Variants in TMEM171 observed in about 807,000 individuals in gnomAD.
TMEM171 encodes the protein proline-rich protein PRP2.
In TMEM171, 16 loss-of-function variants were observed where a neutral mutation model predicts 19.1. The ratio of observed to expected loss-of-function variants is 0.84; its 90% CI spans 0.57 to 1.27. The LOEUF (loss-of-function observed/expected upper bound fraction) is 1.27. Ranked by LOEUF, TMEM171 falls within the 50% of genes most tolerant of loss-of-function variation. The probability of loss-of-function intolerance (pLI) is 0.00; values close to 1 mark genes in which losing one functional copy is unlikely to be tolerated. For synonymous variants in TMEM171, 153 were observed against 163.4 expected (o/e 0.94, Z 0.48); for missense variants, 429 against 412.7 (o/e 1.04, Z -0.34).
Position 73,123,527 on chromosome 5 carries a change from C to T in TMEM171, c.154C>T (p.Leu52Phe), listed in dbSNP as rs1404215120. ...GTTCCAGGCATGCCAATATAAGCCC[C>T]TCCCAGACTGCCCCATGGTGCTCAA... ...FGFQACQYKP[L>F]PDCPMVLKVA... Residue 52 changes from leucine to phenylalanine, a missense_variant, in exon 2 of 4, where the codon CTC (leucine) becomes TTC (phenylalanine). Physicochemically the swap from Leu to Phe is conservative, Grantham distance 22. Coordinates refer to ENST00000454765, the MANE Select transcript of TMEM171 (RefSeq NM_173490.8). 3 of 1,614,238 alleles carry T rather than the reference C, an allele frequency of 1.9e-6. No individual in the cohort carries two copies. Among genetic ancestry groups the T allele is most frequent in the African/African-American group, 1.3e-5 (1 of 75,062 alleles).
Position 73,123,317 on chromosome 5 carries a change from T to C in TMEM171, c.-57T>C, listed in dbSNP as rs1744053630. ...GGTTGTGTTTGCAGAGCTGCTGAAATCTTGGAGGGAAGAAAACACATCCCA... is the reference window on the plus strand; with the variant it reads ...GGTTGTGTTTGCAGAGCTGCTGAAACCTTGGAGGGAAGAAAACACATCCCA... On this transcript the variant is annotated 5_prime_UTR_variant, in exon 2 of 4. Transcript: ENST00000454765. 1.3e-6 allele frequency: 2 copies of C among 1,544,882 alleles called. No individual in the cohort carries two copies. The highest frequency in any genetic ancestry group is 8.7e-7 in the Non-Finnish European group (1 of 1,143,816).
intron 2 of TMEM171, among the ~76,000 whole-genome samples, chr5:73,127,384 A>AAAAAAAAAATATATATATATATATATAT: frequency 3.7e-5 from 3 of 81,686 alleles, no homozygotes; most frequent in Admixed American, 1.1e-4. Flanking sequence ...AAAAAAAAAA[A>AAAAAAAAAATATATATATATATATATAT]ATATATATAT....
Position 73,121,402 on chromosome 5 carries a change from A to G in TMEM171, c.-69+706A>G, listed in dbSNP as rs544563536. Among the ~76,000 whole-genome samples the G allele has an allele frequency of 2.0e-5, 3 of 152,258 alleles. No individual in the cohort carries two copies. In the East Asian group the frequency reaches 5.8e-4, roughly 29 times the overall value. On this transcript the variant is annotated intron_variant, in intron 1 of 3. Coordinates refer to ENST00000454765, the MANE Select transcript of TMEM171 (RefSeq NM_173490.8). ...ATTCAGGAAAAAAATTAAAACAACA[A>G]CAATAACAAAAAACCAATATATATA... is the stretch of plus-strand genomic sequence containing the variant.
In TMEM171 at chr5:73,120,702, C is replaced by T; in HGVS notation, c.-69+6C>T. On this transcript the variant is annotated splice_donor_region_variant and intron_variant, in intron 1 of 3. Coordinates refer to ENST00000454765, the MANE Select transcript of TMEM171 (RefSeq NM_173490.8). ...GGCGCCGGACCCAGCTTCAGGTAAG[C>T]TGCCCCGGCCCGCGCGCCTGCGCCG... 1 of 983,824 alleles carries T rather than the reference C, an allele frequency of 1.0e-6. No homozygotes were observed. The highest frequency in any genetic ancestry group is 1.2e-6 in the Non-Finnish European group (1 of 829,408). The allele number at this position is 983,824 out of a possible 1,614,324, so 60.9% of individuals were successfully genotyped here.
At chr5:73,127,384 A>AAATATATATATAT in intron 2 of TMEM171, among the ~76,000 whole-genome samples, 6 of 81,684 alleles carry the variant, frequency 7.3e-5, no homozygotes, top group African/African-American at 3.3e-4. Context: ...AAAAAAAAAA[A>AAATATATATATAT]ATATATATAT....
chr5:73,123,271 G>T, intron 1 of TMEM171, 35 bp from the exon 2 acceptor site: 1 of 1,509,692 alleles, frequency 6.6e-7, no homozygotes, highest in Non-Finnish European at 8.8e-7. Flanking sequence ...GAACACCTGT[G>T]CCCACGTTAA....
chr5:73,126,049 G>A (rs916828619), intron 2 of TMEM171, among the ~76,000 whole-genome samples: 1 of 152,176 alleles, frequency 6.6e-6, no homozygotes, highest in Non-Finnish European at 1.5e-5. Context: ...GCATGAAAGG[G>A]AACTCGCAGA....
intron 2 of TMEM171, among the ~76,000 whole-genome samples, chr5:73,126,292 A>G (rs182623153): frequency 2.0e-5 from 3 of 152,368 alleles, no homozygotes; most frequent in Admixed American, 6.5e-5. Flanking sequence ...CTTCTAAAAA[A>G]GTAAATGAGA....
chr5:73,127,777 G>A (rs988391754), intron 2 of TMEM171, among the ~76,000 whole-genome samples: 2 of 147,724 alleles, frequency 1.4e-5, no homozygotes, highest in Admixed American at 6.9e-5. Flanking sequence ...GTCTTGCTCT[G>A]TCACCCAGGC....
At position 73,123,703 on chromosome 5, in the gene TMEM171, C is replaced by T. The variant is rs1473514258; in HGVS notation, c.330C>T (p.Ala110=). ...TCTGTGGAGAGAGCCGCCAGTTTGC[C>T]CAGTGCCTTATCTTTGGGTTTCTGT... ...AFICGESRQF[A]QCLIFGFLFL... Residue 110 remains alanine, a synonymous_variant, in exon 2 of 4, where the codon GCC becomes GCT. Transcript: ENST00000454765. The T allele has an allele frequency of 6.2e-7, 1 of 1,614,242 alleles. No individual in the cohort carries two copies. Among genetic ancestry groups the T allele is most frequent in the Non-Finnish European group, 8.5e-7 (1 of 1,180,044 alleles).
At chr5:73,126,114 C>T (rs879320669) in intron 2 of TMEM171, among the ~76,000 whole-genome samples, 1 of 152,182 alleles carries the variant, frequency 6.6e-6, no homozygotes. Flanking sequence ...GGCGGAGCTG[C>T]TGGGCCAAAG....
intron 3 of TMEM171, among the ~76,000 whole-genome samples, chr5:73,129,844 C>T (rs529952578): frequency 6.6e-6 from 1 of 152,324 alleles, no homozygotes; most frequent in East Asian, 1.9e-4. Context: ...CGATCCAACA[C>T]AACTGGGCCT....
intron 2 of TMEM171, among the ~76,000 whole-genome samples, chr5:73,127,407 A>ATATATATATATATATATAT (rs1364234564): frequency 1.9e-4 from 26 of 137,012 alleles, no homozygotes; most frequent in African/African-American, 3.7e-4. Context: ...ATATATATAT[A>ATATATATATATATATATAT]AAGCATAAAC....
chr5:73,130,612 G>GT (rs2112927638), intron 3 of TMEM171, among the ~76,000 whole-genome samples: 1 of 152,234 alleles, frequency 6.6e-6, no homozygotes, highest in Admixed American at 6.5e-5. Flanking sequence ...ATGAAGTTGT[G>GT]TAGAGATTCT....
rs558258251 is a variant in TMEM171, at chr5:73,120,607, G to A, written c.-158G>A. ...GCGGTGGGTAGGGTGCAGGGCGGCC[G>A]GCGCAGCCGAGGCCGCGTGCGGAGG... On this transcript the variant is annotated 5_prime_UTR_variant, in exon 1 of 4. Transcript: ENST00000454765. 1.0e-6 allele frequency: 1 copy of A among 984,900 alleles called. No homozygotes were observed. Among genetic ancestry groups the A allele is most frequent in the South Asian group, 4.7e-5 (1 of 21,290 alleles). 61.0% of individuals were successfully genotyped at this position (984,900 alleles called of 1,614,324 possible).
At chr5:73,127,369 T>TAAAAA (rs150651292) in intron 2 of TMEM171, among the ~76,000 whole-genome samples, 25 of 97,172 alleles carry the variant, frequency 2.6e-4, no homozygotes, top group East Asian at 1.0e-3. Context: ...AAATTTGTGG[T>TAAAAA]AAAAAAAAAA....
intron 1 of TMEM171, 85 bp from the exon 2 acceptor site, chr5:73,123,221 T>TA: frequency 3.2e-6 from 4 of 1,235,512 alleles, no homozygotes; most frequent in South Asian, 3.3e-5. Context: ...CATTGTGGTG[T>TA]GATTTCAGAA....
At chr5:73,125,167 A>G (rs1744127258) in intron 2 of TMEM171, among the ~76,000 whole-genome samples, 2 of 152,002 alleles carry the variant, frequency 1.3e-5, no homozygotes, top group Non-Finnish European at 2.9e-5. Context: ...AGATGCTCCC[A>G]GCTTATTTAT....
Position 73,123,713 on chromosome 5 carries a change from A to C in TMEM171, c.340A>C (p.Ile114Leu), listed in dbSNP as rs774280780. ...GAGCCGCCAGTTTGCCCAGTGCCTT[A>C]TCTTTGGGTTTCTGTTCTTGACAAG... ...GESRQFAQCL[I>L]FGFLFLTSGM... Residue 114 changes from isoleucine (I) to leucine (L), a missense_variant, in exon 2 of 4, where the codon ATC (isoleucine) becomes CTC (leucine). Transcript: ENST00000454765. 1 of 1,614,112 alleles carries C rather than the reference A, an allele frequency of 6.2e-7. No individual in the cohort carries two copies. The highest frequency in any genetic ancestry group is 8.5e-7 in the Non-Finnish European group (1 of 1,180,036).
Sources: gnomAD v4.1 joint callset for allele counts (sites outside exome capture counted in the v4.1 genomes callset) on GRCh38, gnomAD v4.1.1 for gene constraint, MANE v1.5 for transcripts, NCBI Gene and HGNC (gene_info 2026-07-23, HGNC 2026-07-21) for gene names.